The following PRIM2 variants were observed in gnomAD, a reference collection of about 807,000 sequenced individuals.
PRIM2 encodes the protein DNA primase large subunit.
A neutral mutation model predicts 67.3 loss-of-function variants in PRIM2; 39 were observed. The ratio of observed to expected loss-of-function variants is 0.58; its 90% CI spans 0.45 to 0.76. The LOEUF (loss-of-function observed/expected upper bound fraction) is 0.76. Ranked by LOEUF, PRIM2 falls within the 30% of genes least tolerant of loss-of-function variation. PRIM2 has a pLI of 0.00. For synonymous variants in PRIM2, 143 were observed against 198.7 expected (o/e 0.72, Z 2.36); for missense variants, 398 against 598.7 (o/e 0.66, Z 3.50).
upstream of PRIM2, among the ~76,000 whole-genome samples, chr6:57,311,250 C>G (rs1340847622): frequency 1.4e-5 from 2 of 140,592 alleles, no homozygotes; most frequent in East Asian, 2.4e-4. Flanking sequence ...ACGGGGCATC[C>G]GGGCAGAGGC....
chr6:57,462,914 A>G (rs1196149241), intron 7 of PRIM2, among the ~76,000 whole-genome samples: 2 of 152,234 alleles, frequency 1.3e-5, no homozygotes, highest in Admixed American at 1.3e-4. Flanking sequence ...AGAGCTGTTA[A>G]AACAAATGTA....
intron 7 of PRIM2, among the ~76,000 whole-genome samples, chr6:57,431,151 A>T (rs1335215212): frequency 1.3e-5 from 2 of 151,232 alleles, no homozygotes; most frequent in Admixed American, 1.3e-4. Flanking sequence ...ATTTCTTCTC[A>T]TCTGTTTTAT....
At chr6:57,350,177 T>C (rs980291403) in intron 5 of PRIM2, among the ~76,000 whole-genome samples, 1 of 152,154 alleles carries the variant, frequency 6.6e-6, no homozygotes, top group African/African-American at 2.4e-5. Context: ...TCTTTCTATT[T>C]CCCTTGGAGA....
At chr6:57,489,740 A>G (rs1255433181) in intron 7 of PRIM2, among the ~76,000 whole-genome samples, 2 of 152,288 alleles carry the variant, frequency 1.3e-5, no homozygotes, top group Non-Finnish European at 2.9e-5. Context: ...TCCTTCTCCC[A>G]AAACTAACCA....
chr6:57,536,576 A>T (rs1775007274), intron 9 of PRIM2, among the ~76,000 whole-genome samples: 1 of 152,236 alleles, frequency 6.6e-6, no homozygotes, highest in African/African-American at 2.4e-5. Flanking sequence ...GAAATAGCCC[A>T]AACTGGAAAC....
chr6:57,265,672 G>C, the PRIM2 span, among the ~76,000 whole-genome samples: 3 of 152,176 alleles, frequency 2.0e-5, no homozygotes, highest in African/African-American at 7.2e-5. Context: ...AGAAATTGAT[G>C]TCACTGCAAT....
chr6:57,300,904 T>C, the PRIM2 span, among the ~76,000 whole-genome samples: 15 of 152,164 alleles, frequency 9.9e-5, no homozygotes, highest in African/African-American at 3.6e-4. Context: ...TCCATCCTAA[T>C]AGTAATGTTG....
At chr6:57,371,241 T>G (rs1303084698) in intron 5 of PRIM2, among the ~76,000 whole-genome samples, 1 of 152,072 alleles carries the variant, frequency 6.6e-6, no homozygotes, top group East Asian at 1.9e-4. Flanking sequence ...TGAACTGATG[T>G]GTGCTTCCCT....
chr6:57,521,328 C>G (rs1774614289), intron 8 of PRIM2, among the ~76,000 whole-genome samples: 1 of 132,094 alleles, frequency 7.6e-6, no homozygotes, highest in Non-Finnish European at 1.6e-5. Context: ...AGGGACTGTG[C>G]TTTCTAAATG....
At chr6:57,408,380 G>A (rs1425062931) in intron 7 of PRIM2, among the ~76,000 whole-genome samples, 2 of 152,168 alleles carry the variant, frequency 1.3e-5, no homozygotes, top group Admixed American at 6.5e-5. Flanking sequence ...GGAGGAGACG[G>A]TGTCTGATTT....
At chr6:57,323,952 G>C (rs1055820689) in intron 3 of PRIM2, among the ~76,000 whole-genome samples, 2 of 151,930 alleles carry the variant, frequency 1.3e-5, no homozygotes, top group African/African-American at 4.8e-5. Context: ...GGGCATGGTG[G>C]GTGTCGCTTG....
Position 57,646,400 on chromosome 6 carries a change from G to T in PRIM2, c.*242G>T. Reference sequence around the variant, plus strand: ...TTTCAATTTTTTTTTGTAGAGGTGGGGGGTCTCCCTATGTTGCCCAGGCAG... The same window carrying T: ...TTTCAATTTTTTTTTGTAGAGGTGGTGGGTCTCCCTATGTTGCCCAGGCAG... On this transcript the variant is annotated 3_prime_UTR_variant, in exon 14 of 14. Transcript: ENST00000615550. 2.3e-6 allele frequency: 1 copy of T among 440,346 alleles called. No individual in the cohort carries two copies. Among genetic ancestry groups the T allele is most frequent in the African/African-American group, 2.0e-5 (1 of 50,286 alleles). The allele number at this position is 440,346 out of a possible 1,614,324, so 27.3% of individuals were successfully genotyped here. A position where few individuals can be genotyped will look rare whatever the true frequency, so the allele number is the denominator to read the frequency against.
At chr6:57,248,642 G>A in the PRIM2 span, among the ~76,000 whole-genome samples, 1 of 152,178 alleles carries the variant, frequency 6.6e-6, no homozygotes, top group East Asian at 1.9e-4. Flanking sequence ...AGTCTGATTG[G>A]TTGTTGGAGG....
At chr6:57,333,667 G>A (rs1009068572) in intron 5 of PRIM2, among the ~76,000 whole-genome samples, 1 of 151,556 alleles carries the variant, frequency 6.6e-6, no homozygotes, top group African/African-American at 2.4e-5. Flanking sequence ...TTTCTTTTCG[G>A]TCCTGACATT....
At chr6:57,526,869 C>T (rs1479667922) in intron 8 of PRIM2, among the ~76,000 whole-genome samples, 1 of 151,900 alleles carries the variant, frequency 6.6e-6, no homozygotes, top group African/African-American at 2.4e-5. Flanking sequence ...AGACATGTTC[C>T]CTCATAAAAT....
intron 5 of PRIM2, among the ~76,000 whole-genome samples, chr6:57,357,746 C>T (rs1478531571): frequency 6.6e-6 from 1 of 152,118 alleles, no homozygotes; most frequent in Non-Finnish European, 1.5e-5. Context: ...CAGGTGCCTG[C>T]CACCACTCCT....
chr6:57,333,714 T>G (rs1768132103), intron 5 of PRIM2, among the ~76,000 whole-genome samples: 1 of 152,174 alleles, frequency 6.6e-6, no homozygotes, highest in Admixed American at 6.5e-5. Context: ...CTGAAAACTT[T>G]CATCAACTGT....
intron 5 of PRIM2, among the ~76,000 whole-genome samples, chr6:57,372,011 T>G (rs1769577497): frequency 6.6e-6 from 1 of 152,238 alleles, no homozygotes; most frequent in African/African-American, 2.4e-5. Flanking sequence ...TGGCTTTAGC[T>G]CTTAGGGAAA....
chr6:57,511,976 A>C (rs1774381284), intron 8 of PRIM2, among the ~76,000 whole-genome samples: 4 of 152,190 alleles, frequency 2.6e-5, no homozygotes, highest in African/African-American at 7.2e-5. Flanking sequence ...TCAGGAAGAG[A>C]GTATAGAGAG....
Sources: allele counts gnomAD v4.1 joint callset (sites outside exome capture counted in the v4.1 genomes callset), GRCh38; gene constraint gnomAD v4.1.1; transcripts MANE v1.5; gene names NCBI Gene and HGNC (gene_info 2026-07-23, HGNC 2026-07-21).